TNIK: variants seen among roughly 807,000 people sequenced by gnomAD.
TNIK encodes TRAF2 and NCK interacting kinase.
In TNIK, 49 loss-of-function variants were observed where a neutral mutation model predicts 191.3. That is an observed-to-expected ratio of 0.26 (90% CI 0.20 to 0.32). The LOEUF (loss-of-function observed/expected upper bound fraction) is 0.32. TNIK is among the 10% of genes least tolerant of loss of function. The probability of loss-of-function intolerance (pLI) is 1.00; values close to 1 mark genes in which losing one functional copy is unlikely to be tolerated. For synonymous variants in TNIK, 594 were observed against 600.9 expected (o/e 0.99, Z 0.17); for missense variants, 1,155 against 1,702.3 (o/e 0.68, Z 5.66).
chr3:171,077,906 TC>T (rs900994139), intron 28 of TNIK, among the ~76,000 whole-genome samples: 1 of 150,704 alleles, frequency 6.6e-6, no homozygotes, highest in Non-Finnish European at 1.5e-5. Flanking sequence ...TATATATATC[TC>T]CTTAACCCTT....
intron 1 of TNIK, among the ~76,000 whole-genome samples, chr3:171,419,591 A>T (rs911807223): frequency 1.3e-5 from 2 of 152,208 alleles, no homozygotes; most frequent in Admixed American, 1.3e-4. Context: ...TTTTGAAGGA[A>T]GTCCTGGGCT....
chr3:171,383,094 T>C (rs1031212789), intron 1 of TNIK, among the ~76,000 whole-genome samples: 1 of 152,164 alleles, frequency 6.6e-6, no homozygotes. Flanking sequence ...GAGCCTCCAA[T>C]GCCAAAACAT....
At chr3:171,390,598 A>AGC in intron 1 of TNIK, among the ~76,000 whole-genome samples, 1 of 152,252 alleles carries the variant, frequency 6.6e-6, no homozygotes, top group Non-Finnish European at 1.5e-5. Context: ...AAGCTGCTGA[A>AGC]TAACTGCCAT....
At chr3:171,415,996 AAG>A (rs1314027844) in intron 1 of TNIK, among the ~76,000 whole-genome samples, 13 of 106,154 alleles carry the variant, frequency 1.2e-4, no homozygotes, top group African/African-American at 3.9e-4. Context: ...AAAAAAAAAA[AAG>A]AAAGAAAAAG....
intron 2 of TNIK, among the ~76,000 whole-genome samples, chr3:171,240,413 T>C (rs1744814849): frequency 6.6e-6 from 1 of 152,146 alleles, no homozygotes; most frequent in African/African-American, 2.4e-5. Context: ...GTAGAACAGA[T>C]ACAAAACAAT....
At chr3:171,386,464 G>T (rs1389810741) in intron 1 of TNIK, among the ~76,000 whole-genome samples, 4 of 150,906 alleles carry the variant, frequency 2.7e-5, no homozygotes, top group Non-Finnish European at 5.9e-5. Context: ...CTGGTTTGCA[G>T]TGGAGGTTTC....
chr3:171,415,057 C>T (rs1722880782), intron 1 of TNIK, among the ~76,000 whole-genome samples: 1 of 152,138 alleles, frequency 6.6e-6, no homozygotes, highest in African/African-American at 2.4e-5. Flanking sequence ...CCTTACTGCC[C>T]TCCAGTTGCC....
chr3:171,406,485 A>G (rs1721705316), intron 1 of TNIK, among the ~76,000 whole-genome samples: 1 of 152,172 alleles, frequency 6.6e-6, no homozygotes, highest in South Asian at 2.1e-4. Flanking sequence ...ACTGGAGTAC[A>G]GTGGCACAAT....
At chr3:171,086,452 C>T (rs1324183161) in intron 24 of TNIK, among the ~76,000 whole-genome samples, 1 of 152,130 alleles carries the variant, frequency 6.6e-6, no homozygotes, top group African/African-American at 2.4e-5. Flanking sequence ...CTTATGGTGT[C>T]CTCCTTGGTA....
At chr3:171,337,971 G>T (rs1757126014) in intron 2 of TNIK, among the ~76,000 whole-genome samples, 1 of 152,164 alleles carries the variant, frequency 6.6e-6, no homozygotes, top group Non-Finnish European at 1.5e-5. Flanking sequence ...TAAGCAGAAG[G>T]GAGAGAAGCT....
intron 2 of TNIK, among the ~76,000 whole-genome samples, chr3:171,228,923 A>G (rs887927780): frequency 3.9e-5 from 6 of 152,206 alleles, no homozygotes; most frequent in African/African-American, 1.4e-4. Context: ...CAATGTCTAC[A>G]TGTGACTCTC....
In TNIK at chr3:171,398,398, C is replaced by T. The variant is rs1237673234; in HGVS notation, c.58-28713G>A. 2.6e-5 allele frequency among the ~76,000 whole-genome samples: 4 copies of T among 152,160 alleles called. No individual in the cohort carries two copies. In the East Asian group the frequency reaches 7.7e-4, roughly 29 times the overall value. ...TTGTTGGGATAGCGTAAAAGAACACCAGCTTCTGTGTTTTTAAGCAACTTG... is the reference window on the plus strand; with the variant it reads ...TTGTTGGGATAGCGTAAAAGAACACTAGCTTCTGTGTTTTTAAGCAACTTG... On this transcript the variant is annotated intron_variant, in intron 1 of 32. Transcript: ENST00000436636.
chr3:171,100,995 C>T (rs978133563), intron 22 of TNIK, among the ~76,000 whole-genome samples: 24 of 152,030 alleles, frequency 1.6e-4, no homozygotes, highest in East Asian at 3.9e-4. Context: ...GGGATGGTAA[C>T]GCATGCTGGC....
intron 2 of TNIK, among the ~76,000 whole-genome samples, chr3:171,296,194 C>A (rs13075080): frequency 0.36 from 54,164 of 151,956 alleles, 10,446 homozygotes; most frequent in Non-Finnish European, 0.43. Flanking sequence ...GCTTGACCCC[C>A]ACTATTTTAA....
intron 4 of TNIK, among the ~76,000 whole-genome samples, chr3:171,201,387 G>A (rs975201484): frequency 3.3e-5 from 5 of 151,958 alleles, no homozygotes; most frequent in African/African-American, 1.2e-4. Context: ...CAACAAGAGC[G>A]AAACTCCGTC....
At chr3:171,347,159 G>A (rs540507844) in intron 2 of TNIK, 1 of 1,528,878 alleles carries the variant, frequency 6.5e-7, no homozygotes, top group South Asian at 1.2e-5. Flanking sequence ...ATGATGTCAT[G>A]GGTGACTCCT....
intron 2 of TNIK, among the ~76,000 whole-genome samples, chr3:171,282,391 G>T (rs1750566911): frequency 7.1e-6 from 1 of 141,504 alleles, no homozygotes. Context: ...GCCCAGGCTG[G>T]AGTACAATGG....
chr3:171,429,630 T>C (rs73173664), intron 1 of TNIK, among the ~76,000 whole-genome samples: 4,480 of 152,300 alleles, frequency 0.029, 113 homozygotes, highest in Non-Finnish European at 0.044. Flanking sequence ...TTCAATCTTA[T>C]TCCCTAATAC....
chr3:171,084,406 C>T, intron 25 of TNIK, 81 bp from the exon 26 acceptor site: 1 of 1,469,054 alleles, frequency 6.8e-7, no homozygotes, highest in Non-Finnish European at 9.2e-7. Context: ...ACTATGATTT[C>T]TCCTTGTTTG....
Sources: gnomAD v4.1 joint callset for allele counts (sites outside exome capture counted in the v4.1 genomes callset) on GRCh38, gnomAD v4.1.1 for gene constraint, MANE v1.5 for transcripts, NCBI Gene and HGNC (gene_info 2026-07-23, HGNC 2026-07-21) for gene names.